The following ORC2 variants were observed in gnomAD, a reference collection of about 807,000 sequenced individuals.
The protein encoded by ORC2 is origin recognition complex subunit 2.
A neutral mutation model predicts 77.7 loss-of-function variants in ORC2; 37 were observed. The observed-to-expected ratio is 0.48, with a 90% confidence interval of 0.37 to 0.63. ORC2 has a LOEUF of 0.63. Among genes scored for constraint, ORC2 ranks in the 20% least tolerant of loss-of-function variants. The pLI, the probability that ORC2 is intolerant of heterozygous loss-of-function variation, is 0.00. For synonymous variants in ORC2, 201 were observed against 229.5 expected (o/e 0.88, Z 1.12); for missense variants, 557 against 661.9 (o/e 0.84, Z 1.74).
Position 200,926,692 on chromosome 2 carries a change from C to T in ORC2, c.1050+76G>A, listed in dbSNP as rs1046799696. 3.4e-5 allele frequency: 50 copies of T among 1,460,290 alleles called. No individual in the cohort carries two copies. The East Asian group carries it at 1.1e-3, about 31-fold the overall frequency. 90.5% of individuals were successfully genotyped at this position (1,460,290 alleles called of 1,614,324 possible). On this transcript the variant is annotated intron_variant, in intron 12 of 17. Coordinates refer to ENST00000234296, the MANE Select transcript of ORC2 (RefSeq NM_006190.5). ...AGGCTAAAACAAAAATTCTTTAATA[C>T]TCCATCCTCATTTATGTGGGGGCTT...
chr2:200,914,353 A>G (rs1461206229), intron 15 of ORC2, among the ~76,000 whole-genome samples: 3 of 151,998 alleles, frequency 2.0e-5, no homozygotes, highest in East Asian at 3.9e-4. Context: ...TTTTTAGTAG[A>G]GATGGGGTTT....
At chr2:200,941,176 G>T in intron 7 of ORC2, 72 bp downstream of exon 7, 3 of 1,251,564 alleles carry the variant, frequency 2.4e-6, no homozygotes, top group South Asian at 2.6e-5. Flanking sequence ...TTTTTTCATT[G>T]AATTTCTGGC....
intron 11 of ORC2, among the ~76,000 whole-genome samples, chr2:200,928,909 G>C (rs1248175363): frequency 1.3e-5 from 2 of 152,048 alleles, no homozygotes; most frequent in African/African-American, 2.4e-5. Context: ...AGTAACAAAG[G>C]CCTTGTTAAG....
At chr2:200,927,006 G>A in intron 11 of ORC2, 106 bp from the exon 12 acceptor site, 1 of 1,222,246 alleles carries the variant, frequency 8.2e-7, no homozygotes, top group African/African-American at 1.5e-5. Context: ...ATACAGGAAA[G>A]GGGTAGGCGC....
intron 13 of ORC2, among the ~76,000 whole-genome samples, chr2:200,923,927 T>C (rs1279768745): frequency 1.3e-5 from 2 of 152,224 alleles, no homozygotes; most frequent in Non-Finnish European, 1.5e-5. Flanking sequence ...TGTTTCACTT[T>C]GCAAAAGTAC....
At chr2:200,931,784 T>C (rs2040946365) in intron 10 of ORC2, among the ~76,000 whole-genome samples, 1 of 152,192 alleles carries the variant, frequency 6.6e-6, no homozygotes, top group African/African-American at 2.4e-5. Context: ...CTATTATCAT[T>C]AGTAAAATAA....
At chr2:200,929,809 G>C (rs930414827) in intron 11 of ORC2, among the ~76,000 whole-genome samples, 2 of 150,726 alleles carry the variant, frequency 1.3e-5, no homozygotes, top group Non-Finnish European at 3.0e-5. Context: ...AAAAAAAAAA[G>C]AATGACTCAG....
At chr2:200,931,266 AACTT>A (rs762665638) in intron 11 of ORC2, 69 bp downstream of exon 11, 1 of 622,042 alleles carries the variant, frequency 1.6e-6, no homozygotes, top group South Asian at 2.8e-5. Context: ...GAAAAATGTT[AACTT>A]ACTTTAACAT....
rs2040582893 is a variant in ORC2, at chr2:200,913,292, T to G, written c.1647+3A>C. The G allele has an allele frequency of 1.9e-6, 3 of 1,587,824 alleles. No individual in the cohort carries two copies. The highest frequency in any genetic ancestry group is 2.6e-6 in the Non-Finnish European group (3 of 1,163,068). On this transcript the variant is annotated splice_donor_region_variant and intron_variant, in intron 17 of 17. Transcript: ENST00000234296. ...ATACAATGCTACAATAGTGGAGTCT[T>G]ACCTTCTTTGTTCTTATAAGCTTGT...
rs577298341 is a variant in ORC2, at chr2:200,914,949, T to C, written c.1467-957A>G. Among the ~76,000 whole-genome samples, 493 of 149,836 alleles carry C rather than the reference T, an allele frequency of 3.3e-3. 1 individual carries two copies. Among genetic ancestry groups the C allele is most frequent in the African/African-American group, 0.011 (458 of 41,064 alleles). On this transcript the variant is annotated intron_variant, in intron 15 of 17. Transcript: ENST00000234296. ...AATAACAGAAATTCACACATTTATATACTGCATATACCACTTTATACCTTG... is the reference window on the plus strand; with the variant it reads ...AATAACAGAAATTCACACATTTATACACTGCATATACCACTTTATACCTTG...
intron 17 of ORC2, among the ~76,000 whole-genome samples, chr2:200,912,287 C>T (rs1384289309): frequency 3.3e-5 from 5 of 152,308 alleles, no homozygotes; most frequent in East Asian, 1.9e-4. Context: ...GGTTTCTTGT[C>T]CTAGGTATCC....
intron 5 of ORC2, among the ~76,000 whole-genome samples, chr2:200,948,131 T>A (rs1180598671): frequency 6.6e-6 from 1 of 151,858 alleles, no homozygotes; most frequent in East Asian, 1.9e-4. Flanking sequence ...GCCAGGATGG[T>A]CTCGATCTTC....
intron 13 of ORC2, 33 bp from the exon 14 acceptor site, chr2:200,921,172 A>G (rs1468280431): frequency 1.4e-6 from 2 of 1,442,536 alleles, no homozygotes; most frequent in African/African-American, 1.4e-5. Context: ...TATTATTATT[A>G]TTATTTTTAG....
intron 1 of ORC2, among the ~76,000 whole-genome samples, chr2:200,960,025 C>T (rs1048218208): frequency 2.0e-5 from 3 of 151,828 alleles, no homozygotes; most frequent in African/African-American, 7.3e-5. Context: ...GGCTCTGTCA[C>T]CTAGAGCAGT....
intron 1 of ORC2, among the ~76,000 whole-genome samples, chr2:200,962,776 G>A (rs2041603964): frequency 6.6e-6 from 1 of 152,154 alleles, no homozygotes; most frequent in African/African-American, 2.4e-5. Flanking sequence ...ACGGTGTAGG[G>A]CCGTGCTATT....
chr2:200,951,551 C>T (rs2041357222), intron 4 of ORC2, among the ~76,000 whole-genome samples: 1 of 152,132 alleles, frequency 6.6e-6, no homozygotes, highest in Non-Finnish European at 1.5e-5. Flanking sequence ...TGGATTTTGG[C>T]TATTCTAATA....
At chr2:200,924,508 C>G (rs1311830352) in intron 13 of ORC2, among the ~76,000 whole-genome samples, 2 of 152,088 alleles carry the variant, frequency 1.3e-5, no homozygotes, top group Admixed American at 1.3e-4. Context: ...TACTACGGAA[C>G]AGAGCTAAGA....
chr2:200,931,304 T>C (rs1306228508), intron 11 of ORC2, 35 bp downstream of exon 11: 1 of 901,056 alleles, frequency 1.1e-6, no homozygotes, highest in Non-Finnish European at 1.7e-6. Flanking sequence ...AATATTATTC[T>C]TTATTTTACA....
intron 15 of ORC2, among the ~76,000 whole-genome samples, chr2:200,919,673 T>C (rs1237584825): frequency 6.6e-6 from 1 of 152,222 alleles, no homozygotes; most frequent in East Asian, 1.9e-4. Context: ...ATGCAATTTA[T>C]TTTTTGCTGG....
Sources: gnomAD v4.1 joint callset for allele counts (sites outside exome capture counted in the v4.1 genomes callset) on GRCh38, gnomAD v4.1.1 for gene constraint, MANE v1.5 for transcripts, NCBI Gene and HGNC (gene_info 2026-07-23, HGNC 2026-07-21) for gene names.